The following DCC variants were observed in gnomAD, a reference collection of about 807,000 sequenced individuals.
DCC encodes netrin receptor DCC.
DCC carries 58 observed loss-of-function variants against 172.5 expected under a neutral mutation model. That is an observed-to-expected ratio of 0.34 (90% CI 0.27 to 0.42). The LOEUF (loss-of-function observed/expected upper bound fraction) is 0.42, where lower values mean the gene tolerates loss of function less well. DCC is among the 10% of genes least tolerant of loss of function. The probability of loss-of-function intolerance (pLI) is 1.00; values close to 1 mark genes in which losing one functional copy is unlikely to be tolerated. For missense variants in DCC, 1,740 were observed against 1,791.0 expected, an observed-to-expected ratio of 0.97 and a Z score of 0.51; for synonymous variants, 709 against 644.5, an observed-to-expected ratio of 1.10 and a Z score of -1.52.
chr18:53,309,964 G>GTATATATATATATATATA (rs56355500), intron 13 of DCC, among the ~76,000 whole-genome samples: 189 of 137,306 alleles, frequency 1.4e-3, no homozygotes, highest in Non-Finnish European at 2.3e-3. Flanking sequence ...ATACGTGTGT[G>GTATATATATATATATATA]TATATATATA....
At chr18:52,713,747 A>G (rs774580616) in intron 1 of DCC, among the ~76,000 whole-genome samples, 1 of 152,166 alleles carries the variant, frequency 6.6e-6, no homozygotes, top group Non-Finnish European at 1.5e-5. Context: ...TGTTACTGTC[A>G]TCATCATTAT....
At chr18:53,214,823 G>A (rs2055821102) in intron 11 of DCC, among the ~76,000 whole-genome samples, 1 of 151,794 alleles carries the variant, frequency 6.6e-6, no homozygotes, top group Non-Finnish European at 1.5e-5. Flanking sequence ...TCACTTTTTT[G>A]GTAGAGTAAA....
intron 7 of DCC, among the ~76,000 whole-genome samples, chr18:53,148,996 G>T (rs1483303935): frequency 1.3e-5 from 2 of 151,052 alleles, no homozygotes; most frequent in African/African-American, 4.9e-5. Flanking sequence ...TTGAATAGCT[G>T]GGATTACAGG....
At chr18:53,439,882 A>C (rs1464229789) in intron 22 of DCC, among the ~76,000 whole-genome samples, 1 of 147,176 alleles carries the variant, frequency 6.8e-6, no homozygotes, top group Non-Finnish European at 1.5e-5. Context: ...CTCCTGCCTC[A>C]GCCTCCCAAG....
chr18:52,726,271 G>A (rs537311048), intron 1 of DCC, among the ~76,000 whole-genome samples: 10 of 152,216 alleles, frequency 6.6e-5, no homozygotes, highest in African/African-American at 2.2e-4. Context: ...GCTTGCCTCC[G>A]GAGTCTGCAA....
At chr18:53,363,764 T>C (rs1339705672) in intron 15 of DCC, among the ~76,000 whole-genome samples, 1 of 152,206 alleles carries the variant, frequency 6.6e-6, no homozygotes, top group Admixed American at 6.6e-5. Context: ...AATTGAGTAG[T>C]AGTGACTTGT....
At chr18:53,423,647 TTTTA>T (rs1910755288) in intron 21 of DCC, among the ~76,000 whole-genome samples, 1 of 152,214 alleles carries the variant, frequency 6.6e-6, no homozygotes, top group Non-Finnish European at 1.5e-5. Context: ...CTTTCTTGTC[TTTTA>T]TTCACCTGTA....
intron 2 of DCC, among the ~76,000 whole-genome samples, chr18:52,887,950 T>C (rs1247057067): frequency 6.6e-6 from 1 of 152,176 alleles, no homozygotes; most frequent in African/African-American, 2.4e-5. Flanking sequence ...GAAACTGGGT[T>C]TAGCCTTTGA....
intron 7 of DCC, among the ~76,000 whole-genome samples, chr18:53,117,634 T>G (rs2043426440): frequency 6.6e-6 from 1 of 151,640 alleles, no homozygotes; most frequent in Non-Finnish European, 1.5e-5. Context: ...GCATTCAGAT[T>G]TAACCGCTTT....
intron 1 of DCC, among the ~76,000 whole-genome samples, chr18:52,455,376 T>C (rs1356054613): frequency 6.6e-6 from 1 of 152,186 alleles, no homozygotes; most frequent in African/African-American, 2.4e-5. Context: ...CCATCTTACT[T>C]CTGAACCATG....
intron 7 of DCC, among the ~76,000 whole-genome samples, chr18:53,133,512 G>GTTT (rs2144326433): frequency 6.6e-6 from 1 of 152,246 alleles, no homozygotes; most frequent in South Asian, 2.1e-4. Context: ...ACACATGTGT[G>GTTT]TTTTATTCCT....
At chr18:52,886,675 A>G (rs2039574821) in intron 2 of DCC, among the ~76,000 whole-genome samples, 1 of 151,960 alleles carries the variant, frequency 6.6e-6, no homozygotes, top group Admixed American at 6.6e-5. Flanking sequence ...AGGGGGAGGG[A>G]TGGTGTTGAT....
intron 1 of DCC, among the ~76,000 whole-genome samples, chr18:52,402,292 G>T (rs1217473659): frequency 6.6e-6 from 1 of 151,926 alleles, no homozygotes; most frequent in Non-Finnish European, 1.5e-5. Flanking sequence ...ATCTGGCCTG[G>T]TTCATTTTGG....
chr18:52,929,728 T>C (rs987284952), intron 5 of DCC, among the ~76,000 whole-genome samples: 1 of 151,836 alleles, frequency 6.6e-6, no homozygotes, highest in Non-Finnish European at 1.5e-5. Flanking sequence ...ATGTTTATGG[T>C]TTAAAAATGA....
At chr18:53,175,531 C>A (rs1286170473) in intron 8 of DCC, among the ~76,000 whole-genome samples, 1 of 148,618 alleles carries the variant, frequency 6.7e-6, no homozygotes, top group African/African-American at 2.4e-5. Context: ...TATACACCAA[C>A]AACAGACAAA....
chr18:52,745,435 G>C (rs190178688), intron 1 of DCC, among the ~76,000 whole-genome samples: 147 of 152,224 alleles, frequency 9.7e-4, no homozygotes, highest in African/African-American at 3.4e-3. Context: ...GGGCTCTACT[G>C]CCACAGTTTC....
intron 7 of DCC, among the ~76,000 whole-genome samples, chr18:53,087,434 C>A (rs1197477276): frequency 6.6e-6 from 1 of 151,490 alleles, no homozygotes; most frequent in African/African-American, 2.4e-5. Flanking sequence ...CCTTCGCCCA[C>A]TTTTTGATGG....
chr18:53,045,703 T>C (rs2042228986), intron 5 of DCC, among the ~76,000 whole-genome samples: 1 of 151,922 alleles, frequency 6.6e-6, no homozygotes, highest in African/African-American at 2.4e-5. Flanking sequence ...TAGATTTCGC[T>C]ATTTTGTAAA....
rs35751804 is a variant in DCC at position 53,092,977 on chromosome 18, TA to T, written c.1261+26819del. On this transcript the variant is annotated intron_variant, in intron 7 of 28. Coordinates refer to ENST00000442544, the MANE Select transcript of DCC (RefSeq NM_005215.4). Reference sequence around the variant, plus strand: ...TGATATGAACAACTGCATTACTATTTAAAAAAAAGTGGGCCAGGTGTAATGA... The same window carrying T: ...TGATATGAACAACTGCATTACTATTTAAAAAAAGTGGGCCAGGTGTAATGA... Among the ~76,000 whole-genome samples, 13 of 151,774 alleles carry T rather than the reference TA, an allele frequency of 8.6e-5. No individual in the cohort carries two copies. In the South Asian group the frequency reaches 2.7e-3, roughly 32 times the overall value.
Sources: gnomAD v4.1 joint callset for allele counts (sites outside exome capture counted in the v4.1 genomes callset) on GRCh38, gnomAD v4.1.1 for gene constraint, MANE v1.5 for transcripts, NCBI Gene and HGNC (gene_info 2026-07-23, HGNC 2026-07-21) for gene names.